The following NMD3 variants were observed in gnomAD, a reference collection of about 807,000 sequenced individuals.
NMD3 encodes the protein 60S ribosomal export protein NMD3.
A neutral mutation model predicts 73.1 loss-of-function variants in NMD3; 47 were observed. The observed-to-expected ratio is 0.64, with a 90% CI of 0.51 to 0.82. The LOEUF (loss-of-function observed/expected upper bound fraction) is 0.82, where lower values mean the gene tolerates loss of function less well. Ranked by LOEUF, NMD3 falls within the 40% of genes least tolerant of loss-of-function variation. The pLI is 0.00. For synonymous variants in NMD3, 210 were observed against 194.5 expected (o/e 1.08, Z -0.66); for missense variants, 554 against 612.5 (o/e 0.90, Z 1.01).
chr3:161,225,064 G>A lies in NMD3; in HGVS notation c.179G>A (p.Arg60Lys). The change falls in exon 3 of 16, where the codon AGG becomes AAG. Residue 60 changes from arginine to lysine, a missense_variant and splice_region_variant. Coordinates refer to ENST00000351193, the MANE Select transcript of NMD3 (RefSeq NM_015938.5). ...VSISFCKQCQ[R>K]YFQPPGTWIQ... ...ATTTCGTTCTGCAAACAATGTCAAAGGTACAGTGCGGTACAATTTTGCTCT... is the reference window on the plus strand; with the variant it reads ...ATTTCGTTCTGCAAACAATGTCAAAAGTACAGTGCGGTACAATTTTGCTCT... The A allele has an allele frequency of 1.2e-6, 2 of 1,605,002 alleles. No individual in the cohort carries two copies. The highest frequency in any genetic ancestry group is 1.7e-6 in the Non-Finnish European group (2 of 1,177,494).
intron 4 of NMD3, among the ~76,000 whole-genome samples, chr3:161,232,473 TC>T (rs2108082390): frequency 6.6e-6 from 1 of 152,316 alleles, no homozygotes; most frequent in South Asian, 2.1e-4. Flanking sequence ...ACAGATACTG[TC>T]TTAAACTGAA....
At chr3:161,223,754 G>A (rs1322990226) in intron 2 of NMD3, among the ~76,000 whole-genome samples, 2 of 152,138 alleles carry the variant, frequency 1.3e-5, no homozygotes, top group Non-Finnish European at 1.5e-5. Flanking sequence ...GAGACAAACT[G>A]ATCTTACATA....
At chr3:161,230,121 T>C (rs948947117) in intron 4 of NMD3, among the ~76,000 whole-genome samples, 1 of 152,128 alleles carries the variant, frequency 6.6e-6, no homozygotes, top group Non-Finnish European at 1.5e-5. Flanking sequence ...TTTTTGGAGA[T>C]AAGGTCTTGC....
Position 161,251,167 on chromosome 3 carries a change from C to CT in NMD3, c.*263dup, listed in dbSNP as rs1373002178. The CT allele has an allele frequency of 6.9e-6, 2 of 288,162 alleles. No homozygotes were observed. Among genetic ancestry groups the CT allele is most frequent in the Non-Finnish European group, 1.3e-5 (2 of 153,322 alleles). 17.9% of individuals were successfully genotyped at this position (288,162 alleles called of 1,614,324 possible). ...TTACATTTGGAATTTTATCACTGTG[C>CT]TTTTTTATATGAGGCACTGTAGTAT... On this transcript the variant is annotated 3_prime_UTR_variant, in exon 16 of 16. Transcript: ENST00000351193.
chr3:161,233,465 A>T lies in NMD3; in HGVS notation c.343A>T (p.Thr115Ser). The change falls in exon 5 of 16, where the codon ACT becomes TCT. Residue 115 changes from threonine (T) to serine (S), a missense_variant. Coordinates refer to ENST00000351193, the MANE Select transcript of NMD3 (RefSeq NM_015938.5). ...PHSKRLKVKLTIQKEVMNGAI... is the reference protein window; with the variant it reads ...PHSKRLKVKLSIQKEVMNGAI... ...TTCTAAGAGACTTAAAGTTAAACTGACTATTCAGAAAGAGGTAAGCAGTAC... is the reference window on the plus strand; with the variant it reads ...TTCTAAGAGACTTAAAGTTAAACTGTCTATTCAGAAAGAGGTAAGCAGTAC... The T allele has an allele frequency of 6.2e-7, 1 of 1,603,676 alleles. No homozygotes were observed. The highest frequency in any genetic ancestry group is 1.7e-5 in the Admixed American group (1 of 59,444).
Position 161,227,280 on chromosome 3 carries a change from T to C in NMD3, c.213T>C (p.Cys71=), listed in dbSNP as rs1736354848. 2 of 1,612,850 alleles carry C rather than the reference T, an allele frequency of 1.2e-6. No homozygotes were observed. The highest frequency in any genetic ancestry group is 4.5e-5 in the East Asian group (2 of 44,794). ...YFQPPGTWIQ[C]ALESRELLAL... is the part of the protein sequence containing the mutation. The stretch of plus-strand genomic sequence containing the variant: ...AACCACCAGGAACTTGGATACAGTG[T>C]GCTTTAGAATCCAGGGAACTTCTTG... Residue 71 remains cysteine (C), a synonymous_variant, in exon 4 of 16, where the codon TGT becomes TGC. Coordinates refer to ENST00000351193, the MANE Select transcript of NMD3 (RefSeq NM_015938.5).
chr3:161,234,953 C>G lies in NMD3; in HGVS notation c.486+98C>G, dbSNP rs1008251679. The G allele has an allele frequency of 3.2e-6, 4 of 1,241,144 alleles. No homozygotes were observed. In the African/African-American group the frequency reaches 6.0e-5, roughly 19 times the overall value. 76.9% of individuals were successfully genotyped at this position (1,241,144 alleles called of 1,614,324 possible). On this transcript the variant is annotated intron_variant, in intron 6 of 15. Transcript: ENST00000351193. ...TCTAAATCCAGGGATAGTCTGGGTC[C>G]CTGAAGCATTCACCTTTGGAAATAG...
intron 2 of NMD3, 24 bp from the exon 3 acceptor site, chr3:161,224,906 A>G (rs1736250665): frequency 1.3e-6 from 2 of 1,550,652 alleles, no homozygotes; most frequent in Non-Finnish European, 1.7e-6. Context: ...CTAATGTGAA[A>G]AATTTATCCT....
chr3:161,235,062 C>A, intron 6 of NMD3, 60 bp from the exon 7 acceptor site: 1 of 911,368 alleles, frequency 1.1e-6, no homozygotes, highest in Non-Finnish European at 1.7e-6. Flanking sequence ...GTATGTGTGT[C>A]CTATACCTAT....
Position 161,227,228 on chromosome 3 carries a change from A to G in NMD3, c.180-19A>G, listed in dbSNP as rs754103534. The G allele has an allele frequency of 1.3e-6, 2 of 1,484,434 alleles. No individual in the cohort carries two copies. Among genetic ancestry groups the G allele is most frequent in the East Asian group, 2.3e-5 (1 of 44,066 alleles). The allele number at this position is 1,484,434 out of a possible 1,614,324, so 92.0% of individuals were successfully genotyped here. ...TTCCTGACAGATGTTGGATTTCAGT[A>G]TGTTATCTTCTCTTTTAGGTATTTT... is the stretch of plus-strand genomic sequence containing the variant. On this transcript the variant is annotated intron_variant, in intron 3 of 15. Transcript: ENST00000351193.
rs879156205 is a variant in NMD3, at chr3:161,251,064, T to A, written c.*154T>A. On this transcript the variant is annotated 3_prime_UTR_variant, in exon 16 of 16. Coordinates refer to ENST00000351193, the MANE Select transcript of NMD3 (RefSeq NM_015938.5). ...TGTTTTCAGTGCTCACTCAAACCAC[T>A]AAAACAGATGGATAGCTTTGAGGTT... is the stretch of plus-strand genomic sequence containing the variant. 29 of 555,542 alleles carry A rather than the reference T, an allele frequency of 5.2e-5. No individual in the cohort carries two copies. The East Asian group carries it at 7.6e-4, about 15-fold the overall frequency. The allele number at this position is 555,542 out of a possible 1,614,324, so 34.4% of individuals were successfully genotyped here.
At chr3:161,245,070 A>C (rs139145348) in intron 11 of NMD3, among the ~76,000 whole-genome samples, 1 of 152,120 alleles carries the variant, frequency 6.6e-6, no homozygotes, top group Non-Finnish European at 1.5e-5. Context: ...ATCTGAAATC[A>C]AATGTTTCTT....
intron 5 of NMD3, 93 bp from the exon 6 acceptor site, chr3:161,234,634 A>C: frequency 9.1e-7 from 1 of 1,093,748 alleles, no homozygotes; most frequent in African/African-American, 1.6e-5. Flanking sequence ...TAATGGAAAA[A>C]GTTTTAAATT....
chr3:161,228,835 G>T (rs923706392), intron 4 of NMD3, among the ~76,000 whole-genome samples: 2 of 152,178 alleles, frequency 1.3e-5, no homozygotes, highest in Non-Finnish European at 2.9e-5. Flanking sequence ...ATCAAAATAG[G>T]TGGATATATT....
At chr3:161,247,425 C>T in intron 13 of NMD3, 95 bp downstream of exon 13, 1 of 631,880 alleles carries the variant, frequency 1.6e-6, no homozygotes, top group Non-Finnish European at 2.7e-6. Context: ...TTGAAAATAA[C>T]AAATCAATTT....
At chr3:161,232,682 A>G (rs566489238) in intron 4 of NMD3, among the ~76,000 whole-genome samples, 59 of 152,266 alleles carry the variant, frequency 3.9e-4, no homozygotes, top group Middle Eastern at 3.4e-3. Flanking sequence ...TGGACTGTGC[A>G]GATAAATCTT....
intron 9 of NMD3, among the ~76,000 whole-genome samples, chr3:161,239,606 TGAG>T (rs1379347932): frequency 6.6e-6 from 1 of 152,162 alleles, no homozygotes; most frequent in African/African-American, 2.4e-5. Flanking sequence ...AATTGAAGTT[TGAG>T]GAGGTTAGAT....
At chr3:161,238,668 C>T (rs1736858994) in intron 8 of NMD3, 62 bp from the exon 9 acceptor site, 2 of 807,214 alleles carry the variant, frequency 2.5e-6, no homozygotes, top group South Asian at 2.9e-5. Context: ...AATTGATATT[C>T]CTGAGTCCAT....
In NMD3 at chr3:161,233,437, T is replaced by A; in HGVS notation, c.315T>A (p.Pro105=). 1 of 1,609,940 alleles carries A rather than the reference T, an allele frequency of 6.2e-7. No individual in the cohort carries two copies. Among genetic ancestry groups the A allele is most frequent in the East Asian group, 2.2e-5 (1 of 44,750 alleles). The change falls in exon 5 of 16, where the codon CCT becomes CCA. Residue 105 remains proline (P), a synonymous_variant. Coordinates refer to ENST00000351193, the MANE Select transcript of NMD3 (RefSeq NM_015938.5). The part of the protein sequence containing the change: ...LVDAGFVWTE[P]HSKRLKVKLT... ...ATGCAGGCTTTGTTTGGACTGAGCC[T>A]CATTCTAAGAGACTTAAAGTTAAAC...
Sources: gnomAD v4.1 joint callset for allele counts (sites outside exome capture counted in the v4.1 genomes callset) on GRCh38, gnomAD v4.1.1 for gene constraint, MANE v1.5 for transcripts, NCBI Gene and HGNC (gene_info 2026-07-23, HGNC 2026-07-21) for gene names.